Variants in KCNH1 observed in about 807,000 individuals in gnomAD.
KCNH1 encodes potassium voltage-gated channel subfamily H member 1.
In KCNH1, 27 loss-of-function variants were observed where a neutral mutation model predicts 69.2. The ratio of observed to expected loss-of-function variants is 0.39; its 90% CI spans 0.29 to 0.54. The LOEUF is 0.54. Among genes scored for constraint, KCNH1 ranks in the 20% least tolerant of loss-of-function variants. The pLI is 0.68. For synonymous variants in KCNH1, 456 were observed against 487.7 expected (o/e 0.93, Z 0.86); for missense variants, 798 against 1,261.6 (o/e 0.63, Z 5.57).
At chr1:210,851,602 T>C (rs765080130) in intron 7 of KCNH1, among the ~76,000 whole-genome samples, 23 of 152,358 alleles carry the variant, frequency 1.5e-4, no homozygotes, top group Non-Finnish European at 2.8e-4. Context: ...AAATACATTT[T>C]TAGGTGATCC....
chr1:210,766,164 T>C (rs1348639246), intron 10 of KCNH1, among the ~76,000 whole-genome samples: 2 of 152,202 alleles, frequency 1.3e-5, no homozygotes, highest in African/African-American at 4.8e-5. Flanking sequence ...TGGTTGGTTG[T>C]TTCACTGATT....
At chr1:210,965,749 A>G (rs1022764987) in intron 6 of KCNH1, among the ~76,000 whole-genome samples, 1 of 152,214 alleles carries the variant, frequency 6.6e-6, no homozygotes, top group African/African-American at 2.4e-5. Flanking sequence ...AAACAAATTG[A>G]AAAACATTCC....
intron 10 of KCNH1, among the ~76,000 whole-genome samples, chr1:210,699,066 C>T (rs1413352922): frequency 3.9e-5 from 6 of 152,226 alleles, no homozygotes; most frequent in African/African-American, 7.2e-5. Flanking sequence ...TCTCTGTCCC[C>T]GTATTTTGGA....
intron 6 of KCNH1, among the ~76,000 whole-genome samples, chr1:210,958,686 T>A (rs1298259081): frequency 1.3e-5 from 2 of 152,230 alleles, no homozygotes; most frequent in South Asian, 2.1e-4. Flanking sequence ...TATCCTTTCT[T>A]CCACTTGATC....
rs1323937689 is a variant in KCNH1, at chr1:210,698,439, G to A, written c.2113-14301C>T. ...GGACAGAGGCCCTAAGAGAAGAATA[G>A]ATACACCATAACCAGAAGAAGAGAA... On this transcript the variant is annotated intron_variant, in intron 10 of 10. Transcript: ENST00000271751. Among the ~76,000 whole-genome samples, 5 of 152,304 alleles carry A rather than the reference G, an allele frequency of 3.3e-5. No individual in the cohort carries two copies. In the East Asian group the frequency reaches 9.6e-4, roughly 29 times the overall value.
chr1:210,712,417 G>A (rs1257143422), intron 10 of KCNH1, among the ~76,000 whole-genome samples: 1 of 152,208 alleles, frequency 6.6e-6, no homozygotes, highest in Non-Finnish European at 1.5e-5. Flanking sequence ...CTGGCAGGGA[G>A]AGTGGGAATA....
At chr1:210,851,044 A>G (rs1296086964) in intron 7 of KCNH1, among the ~76,000 whole-genome samples, 4 of 152,228 alleles carry the variant, frequency 2.6e-5, no homozygotes, top group Admixed American at 6.5e-5. Flanking sequence ...ATTTGTCTTC[A>G]TGGCCCACGT....
chr1:210,967,831 T>C (rs4951692), intron 6 of KCNH1, among the ~76,000 whole-genome samples: 11,972 of 152,256 alleles, frequency 0.079, 668 homozygotes, highest in South Asian at 0.18. Flanking sequence ...GACTTGAAGC[T>C]ATGACAGTGA....
At chr1:210,776,560 C>G (rs1437670606) in intron 9 of KCNH1, among the ~76,000 whole-genome samples, 2 of 152,104 alleles carry the variant, frequency 1.3e-5, no homozygotes, top group Non-Finnish European at 2.9e-5. Context: ...TAAGAGCTCT[C>G]CTGTGCTCTT....
At chr1:210,895,606 A>G (rs1313569972) in intron 7 of KCNH1, among the ~76,000 whole-genome samples, 2 of 152,138 alleles carry the variant, frequency 1.3e-5, no homozygotes, top group Non-Finnish European at 2.9e-5. Context: ...CCCCTTGGCA[A>G]TAGAAGGCCT....
At chr1:210,827,881 C>T (rs1685066832) in intron 7 of KCNH1, among the ~76,000 whole-genome samples, 1 of 152,136 alleles carries the variant, frequency 6.6e-6, no homozygotes, top group Middle Eastern at 3.2e-3. Flanking sequence ...GTCACTCTCA[C>T]CCAGGCTAGA....
intron 8 of KCNH1, among the ~76,000 whole-genome samples, chr1:210,801,742 A>G (rs1239926767): frequency 6.6e-6 from 1 of 152,248 alleles, no homozygotes; most frequent in Non-Finnish European, 1.5e-5. Context: ...ATCAGCTGCC[A>G]GGAACCCACA....
At chr1:210,738,436 G>T (rs115808692) in intron 10 of KCNH1, among the ~76,000 whole-genome samples, 1 of 151,850 alleles carries the variant, frequency 6.6e-6, no homozygotes, top group Non-Finnish European at 1.5e-5. Context: ...TAGGAAAATC[G>T]ATGTTCTCTT....
chr1:210,878,178 G>C (rs1356244611), intron 7 of KCNH1, among the ~76,000 whole-genome samples: 1 of 152,004 alleles, frequency 6.6e-6, no homozygotes, highest in Non-Finnish European at 1.5e-5. Flanking sequence ...AGGAGAAAAA[G>C]ATGAATCTAC....
In KCNH1 at chr1:211,064,441, A is replaced by T. The variant is rs1690492041; in HGVS notation, c.558+18339T>A. Among the ~76,000 whole-genome samples the T allele has an allele frequency of 2.0e-5, 3 of 152,020 alleles. No individual in the cohort carries two copies. In the South Asian group the frequency reaches 6.2e-4, roughly 32 times the overall value. On this transcript the variant is annotated intron_variant, in intron 5 of 10. Transcript: ENST00000271751. ...CCCGGCGTGGTGGTGGGCAGCTGTA[A>T]TCCCAGCTACTTGGGAGGCTGAGGC...
chr1:211,082,399 C>A (rs187503282), intron 5 of KCNH1, among the ~76,000 whole-genome samples: 1 of 152,242 alleles, frequency 6.6e-6, no homozygotes, highest in African/African-American at 2.4e-5. Flanking sequence ...ATTACAGGTA[C>A]TTTTTATTTT....
intron 7 of KCNH1, among the ~76,000 whole-genome samples, chr1:210,862,507 G>C (rs1001566562): frequency 3.9e-5 from 6 of 152,074 alleles, no homozygotes; most frequent in Non-Finnish European, 8.8e-5. Flanking sequence ...AGCTGATTTT[G>C]TGTTGTTGTA....
At chr1:210,996,868 G>A (rs557296460) in intron 6 of KCNH1, among the ~76,000 whole-genome samples, 58 of 152,290 alleles carry the variant, frequency 3.8e-4, no homozygotes, top group South Asian at 1.2e-3. Flanking sequence ...TACAGCCACC[G>A]CTGTTCTGCA....
At chr1:211,068,830 A>G (rs890389099) in intron 5 of KCNH1, among the ~76,000 whole-genome samples, 1 of 152,226 alleles carries the variant, frequency 6.6e-6, no homozygotes, top group African/African-American at 2.4e-5. Flanking sequence ...CCTCCACAGG[A>G]ACCAGTGCTG....
Sources: allele counts gnomAD v4.1 joint callset (sites outside exome capture counted in the v4.1 genomes callset), GRCh38; gene constraint gnomAD v4.1.1; transcripts MANE v1.5; gene names NCBI Gene and HGNC (gene_info 2026-07-23, HGNC 2026-07-21).